The following HBEGF variants were observed in gnomAD, a reference collection of about 807,000 sequenced individuals.
The protein encoded by HBEGF is proheparin-binding EGF-like growth factor.
In HBEGF, 8 loss-of-function variants were observed where a neutral mutation model predicts 19.5. That is an observed-to-expected ratio of 0.41 (90% CI 0.24 to 0.74). HBEGF has a LOEUF of 0.74. Ranked by LOEUF, HBEGF falls within the 30% of genes least tolerant of loss-of-function variation. The pLI is 0.32. For synonymous variants in HBEGF, 97 were observed against 108.9 expected (o/e 0.89, Z 0.68); for missense variants, 207 against 256.9 (o/e 0.81, Z 1.33).
At chr5:140,344,001 G>C (rs1413133960) in intron 2 of HBEGF, among the ~76,000 whole-genome samples, 1 of 152,192 alleles carries the variant, frequency 6.6e-6, no homozygotes, top group Non-Finnish European at 1.5e-5. Context: ...AGCCGGGCGT[G>C]GTGGTGTGTG....
intron 3 of HBEGF, among the ~76,000 whole-genome samples, chr5:140,341,246 C>T (rs2237076): frequency 0.31 from 46,897 of 152,130 alleles, 7,710 homozygotes; most frequent in African/African-American, 0.4. Context: ...GGCCTCTCAA[C>T]CACACAGTGC....
chr5:140,334,335 GA>G, intron 5 of HBEGF, 55 bp from the exon 6 acceptor site: 1 of 276,534 alleles, frequency 3.6e-6, no homozygotes, highest in Non-Finnish European at 6.8e-6. Context: ...GAAGTCTTAA[GA>G]TTTTCCTGGT....
rs757699224 is a variant in HBEGF at position 140,342,650 on chromosome 5, C to T, written c.383G>A (p.Arg128Gln). 8 of 1,614,114 alleles carry T rather than the reference C, an allele frequency of 5.0e-6. No homozygotes were observed. The highest frequency in any genetic ancestry group is 2.2e-5 in the East Asian group (1 of 44,876). The change falls in exon 3 of 6, where the codon CGG becomes CAG. Residue 128 changes from arginine to glutamine, a missense_variant. By Grantham distance (43) the Arg-to-Gln change is conservative. Coordinates refer to ENST00000230990, the MANE Select transcript of HBEGF (RefSeq NM_001945.3). The part of the protein sequence containing the change: ...HGECKYVKEL[R>Q]APSCICHPGY... ...GGGCACTTACATGCAGGAGGGAGCC[C>T]GGAGCTCCTTCACATATTTGCATTC... is the stretch of plus-strand genomic sequence containing the variant.
At chr5:140,343,422 C>T (rs759111709) in intron 2 of HBEGF, among the ~76,000 whole-genome samples, 5 of 152,202 alleles carry the variant, frequency 3.3e-5, no homozygotes, top group African/African-American at 4.8e-5. Context: ...GCCCTGGTCA[C>T]GGCCTTGCTT....
At position 140,342,712 on chromosome 5, in the gene HBEGF, T is replaced by G; in HGVS notation, c.321A>C (p.Pro107=). 6.2e-7 allele frequency: 1 copy of G among 1,614,190 alleles called. No homozygotes were observed. ...KGKGLGKKRD[P]CLRKYKDFCI... ...AGAAGTCCTTGTATTTCCGAAGACA[T>G]GGGTCCCTCTTCTTCCCTAGCCCCT... The change falls in exon 3 of 6, where the codon CCA becomes CCC. Residue 107 remains proline (P), a synonymous_variant. Coordinates refer to ENST00000230990, the MANE Select transcript of HBEGF (RefSeq NM_001945.3).
intron 4 of HBEGF, 51 bp downstream of exon 4, chr5:140,335,821 A>G: frequency 6.3e-7 from 1 of 1,591,842 alleles, no homozygotes; most frequent in Non-Finnish European, 8.6e-7. Flanking sequence ...CAGGAGGAGG[A>G]AGAAAGGGAG....
Position 140,336,114 on chromosome 5 carries a change from C to T in HBEGF, c.399-87G>A, listed in dbSNP as rs573679605. The stretch of plus-strand genomic sequence containing the variant: ...CCACCTGCATAAGCCAAACCCCATT[C>T]CTCATACCCTCAGCCTGTCAATCCC... On this transcript the variant is annotated intron_variant, in intron 3 of 5. Coordinates refer to ENST00000230990, the MANE Select transcript of HBEGF (RefSeq NM_001945.3). 412 of 1,331,444 alleles carry T rather than the reference C, an allele frequency of 3.1e-4. 1 individual carries two copies. Among genetic ancestry groups the T allele is most frequent in the Middle Eastern group, 1.8e-3 (9 of 5,008 alleles). 82.5% of individuals were successfully genotyped at this position (1,331,444 alleles called of 1,614,324 possible). A position where few individuals can be genotyped will look rare whatever the true frequency, so the allele number is the denominator to read the frequency against.
intron 4 of HBEGF, 144 bp downstream of exon 4, chr5:140,335,728 G>A: frequency 1.1e-6 from 1 of 881,004 alleles, no homozygotes; most frequent in Non-Finnish European, 1.7e-6. Context: ...GAAATACCAG[G>A]TTTTTGGAGA....
Position 140,346,103 on chromosome 5 carries a change from G to C in HBEGF, c.47-19C>G. The C allele has an allele frequency of 2.5e-6, 4 of 1,605,624 alleles. No homozygotes were observed. Among genetic ancestry groups the C allele is most frequent in the Non-Finnish European group, 3.4e-6 (4 of 1,175,670 alleles). On this transcript the variant is annotated intron_variant, in intron 1 of 5. Coordinates refer to ENST00000230990, the MANE Select transcript of HBEGF (RefSeq NM_001945.3). This position sits in a 1 kb window ranked among gnomAD's most constrained non-coding sequence, Gnocchi z 6.1. ...GAGAGAACTGCGGGCGAGAGGCCAG[G>C]CCGCATCAGACACCCGCCCAGACCC...
Position 140,346,149 on chromosome 5 carries a change from C to T in HBEGF, c.47-65G>A. 6.4e-7 allele frequency: 1 copy of T among 1,570,332 alleles called. No individual in the cohort carries two copies. The stretch of plus-strand genomic sequence containing the variant: ...GACCCCTGACCAACACGCACCGATG[C>T]CGACGCCCGTCCGCCAGAGCGCAAG... On this transcript the variant is annotated intron_variant, in intron 1 of 5. Transcript: ENST00000230990. The surrounding 1 kb of genome is among the most constrained non-coding windows in gnomAD (Gnocchi z 6.1).
intron 2 of HBEGF, chr5:140,343,109 T>G (rs1464178375): frequency 2.8e-6 from 1 of 351,478 alleles, no homozygotes; most frequent in East Asian, 5.2e-5. Flanking sequence ...ACTGGGCAAT[T>G]CTACCAACCT....
At chr5:140,343,307 C>T (rs550503956) in intron 2 of HBEGF, among the ~76,000 whole-genome samples, 2 of 152,200 alleles carry the variant, frequency 1.3e-5, no homozygotes, top group African/African-American at 4.8e-5. Context: ...TTGGAGGGCT[C>T]CTAATATAAG....
intron 3 of HBEGF, among the ~76,000 whole-genome samples, chr5:140,341,540 G>A (rs1766311306): frequency 6.6e-6 from 1 of 152,174 alleles, no homozygotes; most frequent in Admixed American, 6.5e-5. Context: ...GGGAGTGATG[G>A]GTCTGTCTGC....
intron 2 of HBEGF, chr5:140,343,091 G>T: frequency 2.5e-6 from 1 of 400,176 alleles, no homozygotes; most frequent in Admixed American, 3.9e-5. Flanking sequence ...GAATGCTTTT[G>T]TTGAGTAACT....
At chr5:140,345,768 T>G in intron 2 of HBEGF, 143 bp downstream of exon 2, 1 of 916,530 alleles carries the variant, frequency 1.1e-6, no homozygotes. Flanking sequence ...GATCCCCCAG[T>G]GCCCATCAGG....
At chr5:140,341,025 G>C (rs1313843293) in intron 3 of HBEGF, among the ~76,000 whole-genome samples, 1 of 152,208 alleles carries the variant, frequency 6.6e-6, no homozygotes, top group Admixed American at 6.5e-5. Flanking sequence ...AGCTCCTAAA[G>C]TAGTGTCTGC....
chr5:140,340,425 T>C (rs1377680775), intron 3 of HBEGF, among the ~76,000 whole-genome samples: 2 of 151,042 alleles, frequency 1.3e-5, no homozygotes, highest in South Asian at 2.1e-4. Flanking sequence ...ACTAAAAATA[T>C]AAAAATTATT....
At chr5:140,343,224 A>C (rs1198246444) in intron 2 of HBEGF, among the ~76,000 whole-genome samples, 1 of 152,038 alleles carries the variant, frequency 6.6e-6, no homozygotes, top group African/African-American at 2.4e-5. Context: ...TGCTGTACTC[A>C]GTGAACCACT....
intron 2 of HBEGF, among the ~76,000 whole-genome samples, chr5:140,345,678 T>C (rs1766384981): frequency 6.6e-6 from 1 of 151,974 alleles, no homozygotes; most frequent in Admixed American, 6.6e-5. Context: ...CTGATTCAAT[T>C]TGCCCCGGAG....
Sources: allele counts gnomAD v4.1 joint callset (sites outside exome capture counted in the v4.1 genomes callset), GRCh38; gene constraint gnomAD v4.1.1; non-coding constraint Gnocchi (gnomAD v3.1); transcripts MANE v1.5; gene names NCBI Gene and HGNC (gene_info 2026-07-23, HGNC 2026-07-21).